Variants in NAV3 observed in about 807,000 individuals in gnomAD.
NAV3 encodes pore membrane and/or filament interacting like protein 1.
In NAV3, 87 loss-of-function variants were observed where a neutral mutation model predicts 244.7. The observed-to-expected ratio is 0.36, with a 90% CI of 0.30 to 0.42. NAV3 has a LOEUF of 0.42. Ranked by LOEUF, NAV3 falls within the 20% of genes least tolerant of loss-of-function variation. The probability of loss-of-function intolerance (pLI) is 1.00; values close to 1 mark genes in which losing one functional copy is unlikely to be tolerated. For synonymous variants in NAV3, 1,126 were observed against 1,042.2 expected, an observed-to-expected ratio of 1.08 and a Z score of -1.55; for missense variants, 2,663 against 2,893.3, an observed-to-expected ratio of 0.92 and a Z score of 1.83.
At chr12:78,201,738 C>T (rs1959727616) in intron 38 of NAV3, among the ~76,000 whole-genome samples, 1 of 152,066 alleles carries the variant, frequency 6.6e-6, no homozygotes, top group Admixed American at 6.6e-5. Context: ...TTCAGTAACT[C>T]AGCCAAGACA....
intron 1 of NAV3, among the ~76,000 whole-genome samples, chr12:77,888,525 G>T (rs1883562733): frequency 6.6e-6 from 1 of 152,036 alleles, no homozygotes; most frequent in Non-Finnish European, 1.5e-5. Context: ...TGAGCTTAAT[G>T]GCTGATTTTG....
In NAV3 at chr12:77,708,856, CTGTT is replaced by C. The variant is rs1282805032; in HGVS notation, c.72+136594_72+136597del. On this transcript the variant is annotated intron_variant, in intron 2 of 8. Transcript: ENST00000550042. ...GGGAGTTCACTCATGATTTGGCTCTCTGTTTGTCTGTTATTGGTGTATAAGAATG... is the reference window on the plus strand; with the variant it reads ...GGGAGTTCACTCATGATTTGGCTCTCTGTCTGTTATTGGTGTATAAGAATG... Among the ~76,000 whole-genome samples, 23 of 152,216 alleles carry C rather than the reference CTGTT, an allele frequency of 1.5e-4. No homozygotes were observed. In the East Asian group the frequency reaches 2.5e-3, roughly 17 times the overall value.
chr12:77,878,840 TG>T, intron 1 of NAV3, among the ~76,000 whole-genome samples: 1 of 152,122 alleles, frequency 6.6e-6, no homozygotes, highest in Non-Finnish European at 1.5e-5. Context: ...AAATAGTCTT[TG>T]GCAGTGAAAT....
chr12:78,146,886 C>T (rs1367460507), intron 21 of NAV3, among the ~76,000 whole-genome samples: 4 of 152,016 alleles, frequency 2.6e-5, no homozygotes, highest in African/African-American at 7.2e-5. Flanking sequence ...ACATATTTCA[C>T]AAATACATAT....
At chr12:77,653,397 A>T (rs1451216560) in intron 2 of NAV3, among the ~76,000 whole-genome samples, 3 of 152,238 alleles carry the variant, frequency 2.0e-5, no homozygotes, top group Non-Finnish European at 4.4e-5. Flanking sequence ...ATGATCATAC[A>T]TGTATTTGAA....
chr12:77,746,475 A>C (rs948758219), intron 2 of NAV3, among the ~76,000 whole-genome samples: 2 of 152,140 alleles, frequency 1.3e-5, no homozygotes, highest in Non-Finnish European at 2.9e-5. Context: ...ACCTACAAGT[A>C]CATCTATATG....
intron 20 of NAV3, among the ~76,000 whole-genome samples, chr12:78,145,616 A>G (rs1027261116): frequency 6.6e-6 from 1 of 152,166 alleles, no homozygotes; most frequent in Admixed American, 6.5e-5. Flanking sequence ...GCAGCCCAGC[A>G]TGAAGAAGAA....
At chr12:78,128,343 T>C (rs551830778) in intron 17 of NAV3, among the ~76,000 whole-genome samples, 5 of 151,954 alleles carry the variant, frequency 3.3e-5, no homozygotes, top group Non-Finnish European at 7.4e-5. Context: ...TTCATTTCCC[T>C]TGGCCCTGGC....
chr12:77,646,965 G>A (rs1028153852), intron 2 of NAV3, among the ~76,000 whole-genome samples: 8 of 151,576 alleles, frequency 5.3e-5, no homozygotes, highest in Non-Finnish European at 7.4e-5. Context: ...TACAGTTTTC[G>A]TTTTTGACCT....
intron 2 of NAV3, among the ~76,000 whole-genome samples, chr12:77,702,880 C>T (rs1875624793): frequency 6.6e-6 from 1 of 151,288 alleles, no homozygotes; most frequent in East Asian, 1.9e-4. Context: ...TCTATTCCTT[C>T]TGTAAATCTG....
chr12:77,731,742 A>T (rs1001757260), intron 2 of NAV3, among the ~76,000 whole-genome samples: 4 of 152,008 alleles, frequency 2.6e-5, no homozygotes, highest in African/African-American at 9.7e-5. Flanking sequence ...TGCTGTTCTT[A>T]TTAAAAATCT....
At chr12:78,030,517 C>T (rs554499569) in intron 9 of NAV3, among the ~76,000 whole-genome samples, 58 of 152,260 alleles carry the variant, frequency 3.8e-4, no homozygotes, top group African/African-American at 1.4e-3. Flanking sequence ...GTGAATTGCT[C>T]CCTGGTTCCC....
intron 2 of NAV3, among the ~76,000 whole-genome samples, chr12:77,769,281 G>T (rs200532111): frequency 3.3e-5 from 5 of 152,272 alleles, no homozygotes; most frequent in East Asian, 3.9e-4. Flanking sequence ...TTGATATAAA[G>T]CTCAGCCAAA....
At chr12:77,808,516 C>G (rs570044523) in intron 2 of NAV3, among the ~76,000 whole-genome samples, 81 of 152,296 alleles carry the variant, frequency 5.3e-4, no homozygotes, top group African/African-American at 1.9e-3. Context: ...TGCAGTACAG[C>G]AAAGATTGCT....
intron 5 of NAV3, among the ~76,000 whole-genome samples, chr12:77,986,388 T>G (rs1870512904): frequency 6.6e-6 from 1 of 152,094 alleles, no homozygotes; most frequent in South Asian, 2.1e-4. Context: ...ATTTGTAGAA[T>G]GAATAAGAAA....
At chr12:77,903,712 A>T (rs1352837137) in intron 1 of NAV3, among the ~76,000 whole-genome samples, 2 of 152,230 alleles carry the variant, frequency 1.3e-5, no homozygotes, top group African/African-American at 2.4e-5. Context: ...AAGGCAACCT[A>T]CAGAATGGGA....
intron 2 of NAV3, among the ~76,000 whole-genome samples, chr12:77,816,931 A>C (rs1229041436): frequency 1.3e-5 from 2 of 152,204 alleles, no homozygotes; most frequent in Non-Finnish European, 2.9e-5. Flanking sequence ...GTAAAGTGCC[A>C]TGTATATGTT....
intron 5 of NAV3, among the ~76,000 whole-genome samples, chr12:77,992,307 A>G (rs1871581677): frequency 6.6e-6 from 1 of 152,236 alleles, no homozygotes; most frequent in South Asian, 2.1e-4. Flanking sequence ...TTGAGTTAGC[A>G]TGATAAACAT....
intron 2 of NAV3, among the ~76,000 whole-genome samples, chr12:77,707,006 G>A (rs1025003433): frequency 4.7e-5 from 7 of 150,124 alleles, no homozygotes; most frequent in Admixed American, 4.0e-4. Flanking sequence ...GTCTACCTAC[G>A]AAATTCCTAC....
Sources: allele counts gnomAD v4.1 joint callset (sites outside exome capture counted in the v4.1 genomes callset), GRCh38; gene constraint gnomAD v4.1.1; transcripts MANE v1.5; gene names NCBI Gene and HGNC (gene_info 2026-07-23, HGNC 2026-07-21).